Variants in RIMS2 observed in about 807,000 individuals in gnomAD.
The protein encoded by RIMS2 is regulating synaptic membrane exocytosis 2.
Under a neutral mutation model 174.4 loss-of-function variants are expected in RIMS2, and 59 were observed. The observed-to-expected ratio is 0.34, with a 90% CI of 0.27 to 0.42. RIMS2 has a LOEUF of 0.42. Among genes scored for constraint, RIMS2 ranks in the 10% least tolerant of loss-of-function variants. The probability of loss-of-function intolerance (pLI) is 1.00; values close to 1 mark genes in which losing one functional copy is unlikely to be tolerated. For missense variants in RIMS2, 1,620 were observed against 1,666.3 expected, an observed-to-expected ratio of 0.97 and a Z score of 0.48; for synonymous variants, 606 against 572.5, an observed-to-expected ratio of 1.06 and a Z score of -0.84.
intron 17 of RIMS2, 43 bp from the exon 20 acceptor site, chr8:104,013,399 G>A: frequency 6.6e-7 from 1 of 1,513,500 alleles, no homozygotes; most frequent in Non-Finnish European, 9.1e-7. Flanking sequence ...ATAGCAGAAG[G>A]GCACTAAAGA....
At chr8:104,215,067 C>A (rs904014591) in intron 19 of RIMS2, among the ~76,000 whole-genome samples, 10 of 152,224 alleles carry the variant, frequency 6.6e-5, no homozygotes, top group Admixed American at 3.3e-4. Flanking sequence ...TATTACAAAT[C>A]TTATGTCTTC....
At chr8:103,766,971 G>A (rs527655172) in intron 3 of RIMS2, among the ~76,000 whole-genome samples, 1 of 152,172 alleles carries the variant, frequency 6.6e-6, no homozygotes, top group Non-Finnish European at 1.5e-5. Context: ...AGGATGATGT[G>A]GGTTTTCAAG....
chr8:103,590,414 C>T (rs558079977), intron 1 of RIMS2, among the ~76,000 whole-genome samples: 13 of 151,374 alleles, frequency 8.6e-5, no homozygotes, highest in Admixed American at 7.9e-4. Context: ...GAGAAAATCT[C>T]ATGTTTTAAT....
intron 19 of RIMS2, among the ~76,000 whole-genome samples, chr8:104,194,815 T>C (rs1171751628): frequency 6.6e-6 from 1 of 152,158 alleles, no homozygotes; most frequent in Non-Finnish European, 1.5e-5. Context: ...AACATATTAG[T>C]AGAAAATGTC....
chr8:103,867,686 C>T (rs746148004), intron 3 of RIMS2, among the ~76,000 whole-genome samples: 9 of 151,614 alleles, frequency 5.9e-5, no homozygotes, highest in South Asian at 4.2e-4. Flanking sequence ...ATAATAACCT[C>T]GACAAAGATA....
chr8:103,664,474 A>G, intron 1 of RIMS2, among the ~76,000 whole-genome samples: 1 of 152,252 alleles, frequency 6.6e-6, no homozygotes, highest in East Asian at 1.9e-4. Flanking sequence ...GAAGGATATG[A>G]ACAGACACTT....
At chr8:104,156,198 G>C (rs951693670) in intron 19 of RIMS2, among the ~76,000 whole-genome samples, 1 of 152,192 alleles carries the variant, frequency 6.6e-6, no homozygotes, top group African/African-American at 2.4e-5. Flanking sequence ...CCAGTAGGCA[G>C]TGGCCTTTTC....
chr8:104,159,117 T>C (rs111304207), intron 19 of RIMS2, among the ~76,000 whole-genome samples: 2 of 152,312 alleles, frequency 1.3e-5, no homozygotes, highest in Admixed American at 1.3e-4. Flanking sequence ...TACATATGGC[T>C]AGCCAGTTTT....
exon 21 of RIMS2, chr8:104,248,800 A>C: frequency 6.3e-7 from 1 of 1,575,908 alleles, no homozygotes; most frequent in Admixed American, 1.7e-5. Context: ...AGACTCTGGC[A>C]ACACCTGCAA....
intron 1 of RIMS2, among the ~76,000 whole-genome samples, chr8:103,593,881 T>G (rs1420998245): frequency 6.6e-6 from 1 of 151,330 alleles, no homozygotes; most frequent in Admixed American, 6.6e-5. Context: ...ATATATAACT[T>G]ATTAAACAAA....
At chr8:103,767,433 C>T (rs1259870571) in intron 3 of RIMS2, among the ~76,000 whole-genome samples, 1 of 152,166 alleles carries the variant, frequency 6.6e-6, no homozygotes, top group Non-Finnish European at 1.5e-5. Context: ...GATCTGCCCA[C>T]CTCGGCCTCC....
chr8:103,990,430 T>C (rs1304086910), intron 17 of RIMS2, among the ~76,000 whole-genome samples: 2 of 152,102 alleles, frequency 1.3e-5, no homozygotes, highest in Non-Finnish European at 2.9e-5. Context: ...TAAGAAGTTA[T>C]TAAATTAATA....
chr8:103,710,094 A>T lies in RIMS2; in HGVS notation c.387+12798A>T, dbSNP rs944425485. On this transcript the variant is annotated intron_variant, in intron 2 of 23. Transcript: ENST00000504942. ...ATCATCATGCTTAGTTGCCTTATGT[A>T]GAAGGCTTTTGTTCCCAACAGGTAC... 9.2e-5 allele frequency among the ~76,000 whole-genome samples: 14 copies of T among 152,030 alleles called. No homozygotes were observed. The South Asian group carries it at 1.9e-3, about 20-fold the overall frequency.
At chr8:103,602,035 G>C (rs528952250) in intron 1 of RIMS2, among the ~76,000 whole-genome samples, 41 of 151,964 alleles carry the variant, frequency 2.7e-4, no homozygotes, top group Non-Finnish European at 1.9e-4. Context: ...TGGAGGGCTG[G>C]AGTGCAGTGG....
At chr8:104,237,469 A>G (rs2099264522) in intron 19 of RIMS2, among the ~76,000 whole-genome samples, 1 of 152,178 alleles carries the variant, frequency 6.6e-6, no homozygotes, top group Non-Finnish European at 1.5e-5. Flanking sequence ...CCTTGAAGTT[A>G]CATGGGTTAG....
At chr8:103,748,296 T>A (rs1420508929) in intron 2 of RIMS2, among the ~76,000 whole-genome samples, 1 of 151,578 alleles carries the variant, frequency 6.6e-6, no homozygotes, top group Non-Finnish European at 1.5e-5. Flanking sequence ...AAAAAAAAAA[T>A]TAGCTGGATC....
At chr8:103,548,967 G>T (rs1846345920) in intron 1 of RIMS2, among the ~76,000 whole-genome samples, 1 of 152,104 alleles carries the variant, frequency 6.6e-6, no homozygotes, top group Non-Finnish European at 1.5e-5. Context: ...AACTAGGGAG[G>T]TGAAAGATCT....
At position 103,926,159 on chromosome 8, in the gene RIMS2, G is replaced by A. The variant is rs192755321; in HGVS notation, c.2197-1683G>A. ...TTATTTTATGACATAATATTTACTT[G>A]TAAAAATATTCTGTAACGTTAATAT... On this transcript the variant is annotated intron_variant, in intron 10 of 23. Coordinates refer to ENST00000504942, the Ensembl canonical transcript of RIMS2. Among the ~76,000 whole-genome samples, 247 of 151,530 alleles carry A rather than the reference G, an allele frequency of 1.6e-3. 2 individuals carry two copies. The highest frequency in any genetic ancestry group is 1.3e-3 in the East Asian group (7 of 5,188).
At chr8:103,599,002 T>C (rs1038083582) in intron 1 of RIMS2, among the ~76,000 whole-genome samples, 1 of 152,090 alleles carries the variant, frequency 6.6e-6, no homozygotes, top group Admixed American at 6.6e-5. Flanking sequence ...CTACTCCTAC[T>C]GCCCTCAACT....
Sources: allele counts gnomAD v4.1 joint callset (sites outside exome capture counted in the v4.1 genomes callset), GRCh38; gene constraint gnomAD v4.1.1; transcripts MANE v1.5; gene names NCBI Gene and HGNC (gene_info 2026-07-23, HGNC 2026-07-21).